The following DLC1 variants were observed in gnomAD, a reference collection of about 807,000 sequenced individuals.
The protein encoded by DLC1 is DLC1 Rho GTPase activating protein.
Under a neutral mutation model 140.3 loss-of-function variants are expected in DLC1, and 54 were observed. The observed-to-expected ratio is 0.38, with a 90% CI of 0.31 to 0.48. The LOEUF (loss-of-function observed/expected upper bound fraction) is 0.48, where lower values mean the gene tolerates loss of function less well. Among genes scored for constraint, DLC1 ranks in the 20% least tolerant of loss-of-function variants. The pLI is 0.96. For synonymous variants in DLC1, 986 were observed against 728.1 expected (o/e 1.35, Z -5.70); for missense variants, 2,536 against 1,907.0 (o/e 1.33, Z -6.14).
chr8:13,248,337 C>G (rs753296587), intron 5 of DLC1, among the ~76,000 whole-genome samples: 2 of 152,116 alleles, frequency 1.3e-5, no homozygotes, highest in African/African-American at 2.4e-5. Flanking sequence ...TTTCCTGAAG[C>G]CTCATTTTGC....
intron 1 of DLC1, among the ~76,000 whole-genome samples, chr8:13,537,756 C>A (rs891037194): frequency 5.3e-5 from 8 of 150,918 alleles, no homozygotes; most frequent in African/African-American, 2.0e-4. Context: ...CGGGTTCACG[C>A]CATTCTCCTG....
At chr8:13,128,938 C>G (rs945151417) in intron 5 of DLC1, among the ~76,000 whole-genome samples, 10 of 151,556 alleles carry the variant, frequency 6.6e-5, no homozygotes, top group Non-Finnish European at 1.5e-4. Flanking sequence ...ATTATGATGG[C>G]AAGTGAACAA....
At chr8:13,465,763 A>G (rs941062922) in intron 2 of DLC1, among the ~76,000 whole-genome samples, 1 of 152,168 alleles carries the variant, frequency 6.6e-6, no homozygotes, top group Admixed American at 6.5e-5. Context: ...CTTTTCTAAG[A>G]AATAACTTTT....
intron 4 of DLC1, among the ~76,000 whole-genome samples, chr8:13,334,200 C>T (rs1833723001): frequency 6.6e-6 from 1 of 151,996 alleles, no homozygotes; most frequent in Non-Finnish European, 1.5e-5. Context: ...GCATTGCAAG[C>T]AGTGACACAG....
At chr8:13,467,099 A>T (rs1799975076) in intron 2 of DLC1, among the ~76,000 whole-genome samples, 3 of 152,172 alleles carry the variant, frequency 2.0e-5, no homozygotes, top group African/African-American at 7.2e-5. Context: ...ATAAAGATTT[A>T]CTCCTTTGTA....
chr8:13,305,996 T>C (rs1031232856), intron 4 of DLC1, among the ~76,000 whole-genome samples: 1 of 152,192 alleles, frequency 6.6e-6, no homozygotes, highest in African/African-American at 2.4e-5. Flanking sequence ...TGCTTATTTT[T>C]TCTGTGCACA....
At chr8:13,183,472 C>T (rs1198491848) in intron 5 of DLC1, among the ~76,000 whole-genome samples, 1 of 152,010 alleles carries the variant, frequency 6.6e-6, no homozygotes, top group Admixed American at 6.6e-5. Flanking sequence ...TACCTCTTAC[C>T]ATTTTGAGAT....
intron 5 of DLC1, chr8:13,133,400 G>C: frequency 1.3e-6 from 1 of 757,118 alleles, no homozygotes; most frequent in Non-Finnish European, 1.6e-6. Flanking sequence ...GCAGGCCTTA[G>C]CGACGGGCTG....
intron 2 of DLC1, among the ~76,000 whole-genome samples, chr8:13,440,359 T>C (rs965523240): frequency 1.5e-4 from 23 of 152,292 alleles, no homozygotes; most frequent in African/African-American, 4.8e-4. Flanking sequence ...GCTTTTATTA[T>C]TATTATTTGA....
intron 5 of DLC1, among the ~76,000 whole-genome samples, chr8:13,277,259 C>T (rs957702462): frequency 6.6e-6 from 1 of 152,158 alleles, no homozygotes. Flanking sequence ...CTGCAGTGAC[C>T]TGTGGTCACC....
intron 5 of DLC1, among the ~76,000 whole-genome samples, chr8:13,135,475 C>T (rs770047084): frequency 5.9e-5 from 9 of 152,070 alleles, no homozygotes; most frequent in Non-Finnish European, 1.0e-4. Context: ...GCCACCGCGC[C>T]CGGTCGAGAA....
At chr8:13,308,442 G>C (rs1241752493) in intron 4 of DLC1, among the ~76,000 whole-genome samples, 1 of 152,112 alleles carries the variant, frequency 6.6e-6, no homozygotes, top group Non-Finnish European at 1.5e-5. Flanking sequence ...ATTTATCTTT[G>C]AATTTGAGGG....
intron 2 of DLC1, among the ~76,000 whole-genome samples, chr8:13,467,876 T>G (rs1800012238): frequency 1.3e-5 from 2 of 152,234 alleles, no homozygotes; most frequent in Non-Finnish European, 2.9e-5. Flanking sequence ...TTTCTAATAG[T>G]AAAATGCCCA....
chr8:13,504,011 C>A (rs1397846543), intron 1 of DLC1, among the ~76,000 whole-genome samples: 3 of 152,032 alleles, frequency 2.0e-5, no homozygotes, highest in Non-Finnish European at 4.4e-5. Flanking sequence ...TCTAGAATTA[C>A]CTCTTTGGAA....
chr8:13,512,493 T>C (rs1374954258), intron 1 of DLC1, among the ~76,000 whole-genome samples: 1 of 152,170 alleles, frequency 6.6e-6, no homozygotes, highest in Non-Finnish European at 1.5e-5. Context: ...GTAGAAGGCT[T>C]AGAGCAGACA....
chr8:13,287,833 A>G (rs1831588543), intron 5 of DLC1, among the ~76,000 whole-genome samples: 1 of 152,178 alleles, frequency 6.6e-6, no homozygotes, highest in Non-Finnish European at 1.5e-5. Context: ...AATTTTGCCA[A>G]TTAAGTGTAA....
intron 2 of DLC1, among the ~76,000 whole-genome samples, chr8:13,441,732 A>T (rs1342431820): frequency 6.6e-6 from 1 of 152,166 alleles, no homozygotes; most frequent in Non-Finnish European, 1.5e-5. Context: ...ATGGAGGAAC[A>T]TTCCATGCTC....
At chr8:13,168,397 G>C (rs1442170005) in intron 5 of DLC1, among the ~76,000 whole-genome samples, 1 of 152,132 alleles carries the variant, frequency 6.6e-6, no homozygotes, top group African/African-American at 2.4e-5. Flanking sequence ...ATATCATCAT[G>C]TGTCTGAAAG....
intron 7 of DLC1, among the ~76,000 whole-genome samples, chr8:13,104,048 T>G (rs919012225): frequency 1.1e-4 from 16 of 152,116 alleles, no homozygotes; most frequent in Non-Finnish European, 2.4e-4. Flanking sequence ...CTGTCTAAAA[T>G]TTTAGAGTCC....
Sources: gnomAD v4.1 joint callset for allele counts (sites outside exome capture counted in the v4.1 genomes callset) on GRCh38, gnomAD v4.1.1 for gene constraint, MANE v1.5 for transcripts, NCBI Gene and HGNC (gene_info 2026-07-23, HGNC 2026-07-21) for gene names.